Variants in AKAP10 observed in about 807,000 individuals in gnomAD.
AKAP10 encodes A-kinase anchor protein 10, mitochondrial.
A neutral mutation model predicts 80.8 loss-of-function variants in AKAP10; 24 were observed. That is an observed-to-expected ratio of 0.30 (90% CI 0.22 to 0.42). AKAP10 has a LOEUF of 0.42. Ranked by LOEUF, AKAP10 falls within the 10% of genes least tolerant of loss-of-function variation. The pLI is 1.00. For synonymous variants in AKAP10, 291 were observed against 277.7 expected (o/e 1.05, Z -0.48); for missense variants, 661 against 794.9 (o/e 0.83, Z 2.03).
intron 11 of AKAP10, among the ~76,000 whole-genome samples, chr17:19,920,497 G>A (rs2042798231): frequency 1.3e-5 from 2 of 152,100 alleles, no homozygotes; most frequent in South Asian, 4.1e-4. Flanking sequence ...ATAGTTGTGT[G>A]TATACATACA....
At chr17:19,926,954 C>T (rs958208633) in intron 10 of AKAP10, among the ~76,000 whole-genome samples, 4 of 152,052 alleles carry the variant, frequency 2.6e-5, no homozygotes, top group African/African-American at 7.2e-5. Context: ...AACACTGTCT[C>T]TACTAAAAAT....
chr17:19,906,265 T>A, intron 14 of AKAP10, 33 bp from the exon 15 acceptor site: 1 of 1,595,782 alleles, frequency 6.3e-7, no homozygotes, highest in African/African-American at 1.3e-5. Flanking sequence ...AATGGTAAGG[T>A]GCATTTCTCT....
chr17:19,936,222 T>A lies in AKAP10; in HGVS notation c.1467+64A>T, dbSNP rs996556072. The A allele has an allele frequency of 2.0e-6, 3 of 1,538,332 alleles. No individual in the cohort carries two copies. The African/African-American group carries it at 4.1e-5, about 21-fold the overall frequency. On this transcript the variant is annotated intron_variant, in intron 9 of 14. Transcript: ENST00000225737. ...GCTATTCTGCTTGGTTTTCCCACCT[T>A]ATATTTTATGAGTTCTACCAATAAA...
chr17:19,974,346 T>C (rs2152420124), intron 1 of AKAP10, among the ~76,000 whole-genome samples: 1 of 152,372 alleles, frequency 6.6e-6, no homozygotes, highest in East Asian at 1.9e-4. Context: ...AGGATGGCTC[T>C]GAATGTGCCC....
intron 10 of AKAP10, 62 bp from the exon 11 acceptor site, chr17:19,924,579 A>G (rs1422425806): frequency 1.9e-6 from 2 of 1,041,890 alleles, no homozygotes; most frequent in Non-Finnish European, 2.7e-6. Flanking sequence ...TTGGAATGTG[A>G]CAGATTTGTA....
chr17:19,935,608 T>C (rs532384072), intron 9 of AKAP10, among the ~76,000 whole-genome samples: 13 of 149,398 alleles, frequency 8.7e-5, no homozygotes, highest in Non-Finnish European at 1.5e-4. Flanking sequence ...CTTTTTTCTA[T>C]TTTTAATTTT....
intron 1 of AKAP10, among the ~76,000 whole-genome samples, chr17:19,971,172 T>C (rs375651086): frequency 1.3e-5 from 2 of 152,118 alleles, no homozygotes; most frequent in Non-Finnish European, 1.5e-5. Flanking sequence ...TATATACATG[T>C]ATGTGTATTT....
At chr17:19,921,815 A>C (rs2042820769) in intron 11 of AKAP10, among the ~76,000 whole-genome samples, 1 of 152,196 alleles carries the variant, frequency 6.6e-6, no homozygotes, top group South Asian at 2.1e-4. Flanking sequence ...CCAAAATGGC[A>C]AAACAGTAAT....
chr17:19,955,759 C>T (rs532778105), intron 4 of AKAP10, among the ~76,000 whole-genome samples: 149 of 151,916 alleles, frequency 9.8e-4, no homozygotes, highest in Non-Finnish European at 1.7e-3. Flanking sequence ...CGCTTGAACC[C>T]GGGAGGTGGA....
At position 19,906,033 on chromosome 17, in the gene AKAP10, C is replaced by T. The variant is rs2042628658; in HGVS notation, c.*194G>A. ...TTTAAGACTCTCACTGTGTGAACATCATGTGCATCAATTATGCCTACAGGT... is the reference window on the plus strand; with the variant it reads ...TTTAAGACTCTCACTGTGTGAACATTATGTGCATCAATTATGCCTACAGGT... On this transcript the variant is annotated 3_prime_UTR_variant, in exon 15 of 15. Transcript: ENST00000225737. 2 of 580,884 alleles carry T rather than the reference C, an allele frequency of 3.4e-6. No individual in the cohort carries two copies. The highest frequency in any genetic ancestry group is 3.7e-5 in the African/African-American group (2 of 53,692). The allele number at this position is 580,884 out of a possible 1,614,324, so 36.0% of individuals were successfully genotyped here.
chr17:19,910,822 C>G (rs1185815342), intron 12 of AKAP10, among the ~76,000 whole-genome samples: 1 of 152,144 alleles, frequency 6.6e-6, no homozygotes, highest in Admixed American at 6.6e-5. Flanking sequence ...TTTCAAAGAG[C>G]TCTACTCTAT....
At chr17:19,938,922 G>A (rs1048985656) in intron 8 of AKAP10, among the ~76,000 whole-genome samples, 2 of 151,706 alleles carry the variant, frequency 1.3e-5, no homozygotes, top group African/African-American at 2.4e-5. Context: ...TAGTAAAGGC[G>A]GGTTTTGCCA....
chr17:19,935,119 C>T (rs2042979179), intron 9 of AKAP10, among the ~76,000 whole-genome samples: 1 of 152,192 alleles, frequency 6.6e-6, no homozygotes, highest in South Asian at 2.1e-4. Context: ...GTATGGCCTA[C>T]TACACCCCTT....
intron 1 of AKAP10, among the ~76,000 whole-genome samples, chr17:19,974,517 C>G (rs976860109): frequency 6.6e-6 from 1 of 152,090 alleles, no homozygotes; most frequent in Non-Finnish European, 1.5e-5. Flanking sequence ...CTATATTGGT[C>G]AGGTAGAGAT....
intron 5 of AKAP10, among the ~76,000 whole-genome samples, chr17:19,943,787 C>T (rs971170471): frequency 6.6e-6 from 1 of 152,180 alleles, no homozygotes; most frequent in Non-Finnish European, 1.5e-5. Context: ...TGGAGGCAGT[C>T]TTGTGGGACA....
intron 5 of AKAP10, among the ~76,000 whole-genome samples, chr17:19,944,922 G>A (rs1338560192): frequency 6.6e-6 from 1 of 152,154 alleles, no homozygotes; most frequent in Non-Finnish European, 1.5e-5. Context: ...TGCAAAGTGG[G>A]TACACAGTAA....
At chr17:19,943,093 T>C (rs1597507500) in intron 5 of AKAP10, among the ~76,000 whole-genome samples, 1 of 152,146 alleles carries the variant, frequency 6.6e-6, no homozygotes, top group Non-Finnish European at 1.5e-5. Flanking sequence ...CTCACTATGT[T>C]GACCAGGCTG....
chr17:19,939,888 A>T (rs2043034487), intron 7 of AKAP10, 39 bp from the exon 8 acceptor site: 1 of 1,582,466 alleles, frequency 6.3e-7, no homozygotes, highest in African/African-American at 1.4e-5. Context: ...TAAGACTATA[A>T]ACAGATTTCT....
intron 12 of AKAP10, among the ~76,000 whole-genome samples, chr17:19,918,959 G>A (rs1024574057): frequency 2.6e-5 from 4 of 151,594 alleles, no homozygotes; most frequent in Non-Finnish European, 1.5e-5. Flanking sequence ...TAAGTTCTAG[G>A]GTACATGTGC....
Sources: allele counts gnomAD v4.1 joint callset (sites outside exome capture counted in the v4.1 genomes callset), GRCh38; gene constraint gnomAD v4.1.1; transcripts MANE v1.5; gene names NCBI Gene and HGNC (gene_info 2026-07-23, HGNC 2026-07-21).